ATPAF1: variants seen among roughly 807,000 people sequenced by gnomAD.
ATPAF1 encodes the protein homolog of yeast ATP11.
A neutral mutation model predicts 43.9 loss-of-function variants in ATPAF1; 26 were observed. The observed-to-expected ratio is 0.59, with a 90% confidence interval of 0.43 to 0.82. The LOEUF (loss-of-function observed/expected upper bound fraction) is 0.82. Among genes scored for constraint, ATPAF1 ranks in the 40% least tolerant of loss-of-function variants. The probability of loss-of-function intolerance (pLI) is 0.00; values close to 1 mark genes in which losing one functional copy is unlikely to be tolerated. For synonymous variants in ATPAF1, 157 were observed against 168.0 expected (o/e 0.93, Z 0.50); for missense variants, 366 against 435.0 (o/e 0.84, Z 1.41).
At chr1:46,632,803 A>G (rs1675775125), downstream of ATPAF1, 1 of 152,670 alleles carries the variant, frequency 6.6e-6, no homozygotes, top group Non-Finnish European at 1.5e-5. Flanking sequence ...GGTCCAGGCC[A>G]TGTCCTTGGC....
At position 46,657,344 on chromosome 1, in the gene ATPAF1, C is replaced by A. The variant is rs77225776; in HGVS notation, c.489+783G>T. On this transcript the variant is annotated intron_variant, in intron 4 of 8. Coordinates refer to ENST00000574428, the Ensembl canonical transcript of ATPAF1. Reference sequence around the variant, plus strand: ...TCACAGGTATAAAAATATAAATGACCAAACAGGCAGGATAGCTCATGAGTG... The same window carrying A: ...TCACAGGTATAAAAATATAAATGACAAAACAGGCAGGATAGCTCATGAGTG... Among the ~76,000 whole-genome samples, 259 of 151,986 alleles carry A rather than the reference C, an allele frequency of 1.7e-3. 2 individuals are homozygous for A. Among genetic ancestry groups the A allele is most frequent in the African/African-American group, 6.1e-3 (253 of 41,430 alleles).
chr1:46,650,402 G>A lies in ATPAF1; in HGVS notation c.588+2179C>T, dbSNP rs185408146. Among the ~76,000 whole-genome samples, 134 of 151,698 alleles carry A rather than the reference G, an allele frequency of 8.8e-4. 1 individual carries two copies. Among genetic ancestry groups the A allele is most frequent in the Admixed American group, 3.1e-3 (47 of 15,220 alleles). The stretch of plus-strand genomic sequence containing the variant: ...TGCTGGTGAAGATGTGGAGAAAGAG[G>A]AACTTTTGTATAATATTGGTGGAAC... On this transcript the variant is annotated intron_variant, in intron 6 of 8. Coordinates refer to ENST00000574428, the Ensembl canonical transcript of ATPAF1.
chr1:46,655,444 G>A (rs942973643), intron 4 of ATPAF1, among the ~76,000 whole-genome samples: 1 of 151,630 alleles, frequency 6.6e-6, no homozygotes. Flanking sequence ...CAAAAGGTGG[G>A]GAATAAAAAA....
chr1:46,664,371 A>AG (rs1676451920), intron 2 of ATPAF1, among the ~76,000 whole-genome samples: 1 of 152,248 alleles, frequency 6.6e-6, no homozygotes, highest in Admixed American at 6.5e-5. Flanking sequence ...GGCATGGAGA[A>AG]GTAACAATTT....
intron 2 of ATPAF1, chr1:46,663,983 G>GT (rs1443714444): frequency 3.8e-6 from 4 of 1,051,024 alleles, no homozygotes; most frequent in Admixed American, 3.0e-5. Flanking sequence ...TGTGATCAGA[G>GT]TTTTTTAAAA....
chr1:46,664,875 T>C (rs1676460856), intron 2 of ATPAF1: 2 of 201,668 alleles, frequency 9.9e-6, no homozygotes, highest in South Asian at 2.2e-4. Context: ...TGACCCCTGC[T>C]CTACATCAAA....
intron 8 of ATPAF1, among the ~76,000 whole-genome samples, chr1:46,641,021 C>T (rs539537033): frequency 9.2e-5 from 14 of 152,206 alleles, no homozygotes; most frequent in South Asian, 2.1e-4. Context: ...TATCACTTCC[C>T]GCTTTCTCCT....
chr1:46,635,373 C>T (rs946319), exon 9 of ATPAF1: 82 of 173,504 alleles, frequency 4.7e-4, no homozygotes, highest in Admixed American at 1.9e-3. Context: ...TATCTAACTA[C>T]AGCAGGTCTT....
intron 8 of ATPAF1, chr1:46,636,174 C>A: frequency 1.5e-6 from 1 of 656,556 alleles, no homozygotes. Context: ...TAGTATTTAT[C>A]ACACTGTATT....
At chr1:46,645,365 T>C in intron 6 of ATPAF1, 109 bp from the exon 7 acceptor site, 1 of 863,016 alleles carries the variant, frequency 1.2e-6, no homozygotes, top group Non-Finnish European at 1.8e-6. Flanking sequence ...GTTTTTAAAA[T>C]ATTTTTTTAT....
At chr1:46,662,229 A>G (rs1303102869) in intron 2 of ATPAF1, among the ~76,000 whole-genome samples, 2 of 152,200 alleles carry the variant, frequency 1.3e-5, no homozygotes, top group Non-Finnish European at 2.9e-5. Context: ...TTTACCAAAA[A>G]GGGGCAAAGA....
intron 4 of ATPAF1, among the ~76,000 whole-genome samples, chr1:46,656,039 T>C (rs557353482): frequency 1.3e-5 from 2 of 152,328 alleles, no homozygotes; most frequent in Admixed American, 6.5e-5. Context: ...GGTTGAATGA[T>C]AGATGATTGT....
chr1:46,645,227 AC>A lies in ATPAF1; in HGVS notation c.617del (p.Gly206ValfsTer6). The A allele has an allele frequency of 6.2e-6, 10 of 1,613,824 alleles. No individual in the cohort carries two copies. The highest frequency in any genetic ancestry group is 8.5e-6 in the Non-Finnish European group (10 of 1,179,762). ...TCCATTGTCCTACAAAAAACTCATA[AC>A]CTTCCCTTCTTGGCAGAGCACATAG... On this transcript the variant is annotated frameshift_variant, in exon 7 of 9. Transcript: ENST00000574428. LOFTEE classifies it high-confidence loss of function.
chr1:46,634,291 G>A, downstream of ATPAF1: 1 of 175,250 alleles, frequency 5.7e-6, no homozygotes, highest in Non-Finnish European at 1.2e-5. Flanking sequence ...TTAGGCAGGA[G>A]CAGCAGAGTG....
Position 46,653,660 on chromosome 1 carries a change from T to C in ATPAF1, c.540+157A>G, listed in dbSNP as rs1006853522. ...TAAATATACCATATGGAGCTTCCAA[T>C]CTCTGGTGCTCAGGGCATAATAAAA... is the stretch of plus-strand genomic sequence containing the variant. On this transcript the variant is annotated intron_variant, in intron 5 of 8. Transcript: ENST00000574428. The surrounding 1 kb of genome is among the most constrained non-coding windows in gnomAD (Gnocchi z 4.8). 2.6e-5 allele frequency among the ~76,000 whole-genome samples: 4 copies of C among 152,058 alleles called. No individual in the cohort carries two copies. The highest frequency in any genetic ancestry group is 9.7e-5 in the African/African-American group (4 of 41,410).
chr1:46,647,531 TTC>T (rs1241964255), intron 6 of ATPAF1, among the ~76,000 whole-genome samples: 1 of 151,962 alleles, frequency 6.6e-6, no homozygotes, highest in East Asian at 1.9e-4. Flanking sequence ...CACATGCACA[TTC>T]TCTCTTTCCA....
intron 6 of ATPAF1, among the ~76,000 whole-genome samples, chr1:46,649,157 CAA>C (rs35432914): frequency 1.3e-3 from 141 of 104,728 alleles, no homozygotes; most frequent in Middle Eastern, 4.5e-3. Context: ...AGCTCCGTCT[CAA>C]AAAAAAAAAA....
chr1:46,666,034 T>C (rs1676484939), intron 1 of ATPAF1: 1 of 266,744 alleles, frequency 3.7e-6, no homozygotes, highest in Non-Finnish European at 6.5e-6. Context: ...TTGTACACTT[T>C]GGTGAAGATA....
intron 6 of ATPAF1, among the ~76,000 whole-genome samples, chr1:46,650,103 T>C (rs1268983694): frequency 6.6e-6 from 1 of 152,192 alleles, no homozygotes; most frequent in East Asian, 1.9e-4. Context: ...CTATTCCTTT[T>C]CCCTTAGGCC....
Sources: allele counts gnomAD v4.1 joint callset (sites outside exome capture counted in the v4.1 genomes callset), GRCh38; gene constraint gnomAD v4.1.1; non-coding constraint Gnocchi (gnomAD v3.1); transcripts MANE v1.5; gene names NCBI Gene and HGNC (gene_info 2026-07-23, HGNC 2026-07-21).